Variants in KRT73 observed in about 807,000 individuals in gnomAD.
KRT73 encodes the protein keratin, type II cytoskeletal 73.
Under a neutral mutation model 47.2 loss-of-function variants are expected in KRT73, and 44 were observed. That is an observed-to-expected ratio of 0.93 (90% CI 0.73 to 1.20). The LOEUF is 1.20. KRT73 is among the 50% of genes most tolerant of loss of function. KRT73 has a pLI of 0.00. For synonymous variants in KRT73, 285 were observed against 291.3 expected, an observed-to-expected ratio of 0.98 and a Z score of 0.22; for missense variants, 713 against 704.5, an observed-to-expected ratio of 1.01 and a Z score of -0.14.
chr12:52,625,074 C>T, the KRT73 span, among the ~76,000 whole-genome samples: 1 of 152,006 alleles, frequency 6.6e-6, no homozygotes, highest in Non-Finnish European at 1.5e-5. Flanking sequence ...GGGAAATCCT[C>T]AAGATAAAGG....
intron 6 of KRT73, 120 bp downstream of exon 6, chr12:52,611,084 G>T: frequency 1.6e-6 from 2 of 1,288,394 alleles, no homozygotes; most frequent in Non-Finnish European, 1.1e-6. Flanking sequence ...GATGAGAGCA[G>T]GACCTCCATT....
the KRT73 span, among the ~76,000 whole-genome samples, chr12:52,624,615 C>A: frequency 6.6e-6 from 1 of 152,082 alleles, no homozygotes; most frequent in East Asian, 1.9e-4. Context: ...ATAACAGGAT[C>A]TATCCAAACA....
chr12:52,619,933 T>C (rs1478277430), upstream of KRT73, among the ~76,000 whole-genome samples: 8 of 152,212 alleles, frequency 5.3e-5, no homozygotes. Flanking sequence ...GATATGCCTC[T>C]AAAATTGTTG....
At chr12:52,628,161 A>G in the KRT73 span, among the ~76,000 whole-genome samples, 2 of 152,246 alleles carry the variant, frequency 1.3e-5, no homozygotes, top group Middle Eastern at 6.8e-3. Flanking sequence ...CACCCCTCAT[A>G]GCCCAGCAGG....
rs899838452 is a variant in KRT73, at chr12:52,613,859, G to C, written c.820-7C>G. 4 of 1,612,390 alleles carry C rather than the reference G, an allele frequency of 2.5e-6. No homozygotes were observed. The highest frequency in any genetic ancestry group is 1.1e-5 in the South Asian group (1 of 90,804). On this transcript the variant is annotated splice_region_variant and splice_polypyrimidine_tract_variant and intron_variant, in intron 4 of 8. Transcript: ENST00000305748. The stretch of plus-strand genomic sequence containing the variant: ...ACTGGATCTGAGCAGTCTCCTGCAG[G>C]GGAAACAAGGAAGCATGAAATGCCT...
the KRT73 span, among the ~76,000 whole-genome samples, chr12:52,627,153 G>A: frequency 6.6e-6 from 1 of 152,132 alleles, no homozygotes; most frequent in Non-Finnish European, 1.5e-5. Flanking sequence ...TCATCTTTCA[G>A]GTTTCAGGTT....
chr12:52,628,445 CAG>C, the KRT73 span, among the ~76,000 whole-genome samples: 2 of 152,154 alleles, frequency 1.3e-5, no homozygotes, highest in African/African-American at 2.4e-5. Context: ...CCGTGGAAGG[CAG>C]AGAGTCCCTC....
chr12:52,608,204 T>TG lies in KRT73; in HGVS notation c.1614dup (p.Met539HisfsTer147). 1 of 1,611,466 alleles carries TG rather than the reference T, an allele frequency of 6.2e-7. No homozygotes were observed. Among genetic ancestry groups the TG allele is most frequent in the Non-Finnish European group, 8.5e-7 (1 of 1,178,648 alleles). On this transcript the variant is annotated frameshift_variant, in exon 9 of 9. Transcript: ENST00000305748. LOFTEE classifies it high-confidence loss of function. Reference sequence around the variant, plus strand: ...TGGGCTGTGTTGCACTTTTATCTCATGGTTTTTTTGGTGGGTGAGCTTAGA... The same window carrying TG: ...TGGGCTGTGTTGCACTTTTATCTCATGGGTTTTTTTGGTGGGTGAGCTTAGA...
chr12:52,620,975 C>T (rs1940895458), upstream of KRT73, among the ~76,000 whole-genome samples: 2 of 152,140 alleles, frequency 1.3e-5, no homozygotes, highest in South Asian at 4.1e-4. Context: ...CTACTCACTT[C>T]CCAGAACTCC....
chr12:52,622,568 C>A (rs1207832846), upstream of KRT73, among the ~76,000 whole-genome samples: 4 of 152,198 alleles, frequency 2.6e-5, no homozygotes, highest in East Asian at 7.7e-4. Context: ...GGCCCAGAGG[C>A]AGTGACAGCA....
upstream of KRT73, among the ~76,000 whole-genome samples, chr12:52,623,149 C>G (rs1940927769): frequency 6.6e-6 from 1 of 152,178 alleles, no homozygotes; most frequent in Non-Finnish European, 1.5e-5. Context: ...AAACCCTAAA[C>G]AGAATAAACC....
chr12:52,610,506 A>G, intron 7 of KRT73, 109 bp downstream of exon 7: 1 of 1,007,664 alleles, frequency 9.9e-7, no homozygotes. Context: ...TTGTGGGTGA[A>G]GTAAACACAT....
Position 52,618,089 on chromosome 12 carries a change from A to G in KRT73, c.436T>C (p.Phe146Leu). The G allele has an allele frequency of 2.5e-6, 4 of 1,613,644 alleles. No individual in the cohort carries two copies. The highest frequency in any genetic ancestry group is 3.4e-6 in the Non-Finnish European group (4 of 1,179,874). The change falls in exon 1 of 9, where the codon TTC becomes CTC. Residue 146 changes from phenylalanine (F) to leucine (L), a missense_variant. By Grantham distance (22) the Phe-to-Leu change is conservative. Transcript: ENST00000305748. Reference sequence around the variant, plus strand: ...CCAGAAAGACCCACCTTGTCAATGAAGGAGGCGAACTTGTTGTTCAGCACC... The same window carrying G: ...CCAGAAAGACCCACCTTGTCAATGAGGGAGGCGAACTTGTTGTTCAGCACC... ...IKVLNNKFAS[F>L]IDKVRFLEQQ... is the part of the protein sequence containing the mutation.
chr12:52,624,528 C>T, the KRT73 span, among the ~76,000 whole-genome samples: 1 of 152,138 alleles, frequency 6.6e-6, no homozygotes, highest in East Asian at 1.9e-4. Context: ...TAAACCTCAA[C>T]AAGTTGTAAA....
the KRT73 span, among the ~76,000 whole-genome samples, chr12:52,627,903 A>ATGTGTG: frequency 2.1e-4 from 32 of 151,004 alleles, no homozygotes; most frequent in African/African-American, 7.3e-4. Flanking sequence ...CAGAATGAAC[A>ATGTGTG]TGTGTGTGTG....
intron 1 of KRT73, among the ~76,000 whole-genome samples, chr12:52,616,706 C>T (rs1940822807): frequency 6.6e-6 from 1 of 152,144 alleles, no homozygotes; most frequent in Non-Finnish European, 1.5e-5. Context: ...TCCAGGCCAC[C>T]TCTCCAAGGC....
chr12:52,609,165 A>G (rs1416287290), intron 8 of KRT73, 82 bp downstream of exon 8: 4 of 1,233,826 alleles, frequency 3.2e-6, no homozygotes. Context: ...GCTCTTCCTC[A>G]GGGGGCTGGG....
At position 52,613,685 on chromosome 12, in the gene KRT73, C is replaced by T. The variant is rs374968654; in HGVS notation, c.984+3G>A. The T allele has an allele frequency of 6.2e-7, 1 of 1,613,988 alleles. No individual in the cohort carries two copies. The highest frequency in any genetic ancestry group is 1.3e-5 in the African/African-American group (1 of 74,940). ...TTCACTATGGGGAGTTTTGCGGCCTCACCTTGGTCTGGTACAGGGCCTCGG... is the reference window on the plus strand; with the variant it reads ...TTCACTATGGGGAGTTTTGCGGCCTTACCTTGGTCTGGTACAGGGCCTCGG... On this transcript the variant is annotated splice_donor_region_variant and intron_variant, in intron 5 of 8. Transcript: ENST00000305748.
chr12:52,609,461 C>T (rs1940650665), intron 7 of KRT73, among the ~76,000 whole-genome samples, 180 bp from the exon 8 acceptor site: 1 of 152,194 alleles, frequency 6.6e-6, no homozygotes. Flanking sequence ...GCTCCTCAAT[C>T]TACTCTTCCC....
Sources: allele counts gnomAD v4.1 joint callset (sites outside exome capture counted in the v4.1 genomes callset), GRCh38; gene constraint gnomAD v4.1.1; transcripts MANE v1.5; gene names NCBI Gene and HGNC (gene_info 2026-07-23, HGNC 2026-07-21).